The following PEBP4 variants were observed in gnomAD, a reference collection of about 807,000 sequenced individuals.
PEBP4 encodes phosphatidylethanolamine-binding protein 4.
In PEBP4, 22 loss-of-function variants were observed where a neutral mutation model predicts 23.9. The observed-to-expected ratio is 0.92, with a 90% CI of 0.66 to 1.31. The LOEUF (loss-of-function observed/expected upper bound fraction) is 1.31, where lower values mean the gene tolerates loss of function less well. Among genes scored for constraint, PEBP4 ranks in the 40% most tolerant of loss-of-function variants. The probability of loss-of-function intolerance (pLI) is 0.00; values close to 1 mark genes in which losing one functional copy is unlikely to be tolerated. For missense variants in PEBP4, 324 were observed against 281.7 expected (o/e 1.15, Z -1.07); for synonymous variants, 112 against 99.3 (o/e 1.13, Z -0.76).
intron 5 of PEBP4, 121 bp downstream of exon 5, chr8:22,727,054 G>A (rs1585238261): frequency 9.6e-7 from 1 of 1,037,180 alleles, no homozygotes; most frequent in East Asian, 2.5e-5. Context: ...TGAAATCAGG[G>A]CATCCAAGAA....
In PEBP4 at chr8:22,781,213, G is replaced by T. The variant is rs1046335086; in HGVS notation, c.357+36424C>A. ...GTTGGTACCCTGTCCTGCCCACCACGTTTGGATGCCCTTGGCAGTGGAAGC... is the reference window on the plus strand; with the variant it reads ...GTTGGTACCCTGTCCTGCCCACCACTTTTGGATGCCCTTGGCAGTGGAAGC... On this transcript the variant is annotated intron_variant, in intron 4 of 6. Coordinates refer to ENST00000256404, the MANE Select transcript of PEBP4 (RefSeq NM_144962.3). 2.0e-5 allele frequency among the ~76,000 whole-genome samples: 3 copies of T among 152,338 alleles called. No individual in the cohort carries two copies. In the South Asian group the frequency reaches 6.2e-4, roughly 32 times the overall value.
intron 3 of PEBP4, among the ~76,000 whole-genome samples, chr8:22,873,371 A>G (rs1208827536): frequency 6.6e-6 from 1 of 152,170 alleles, no homozygotes; most frequent in Admixed American, 6.5e-5. Flanking sequence ...GCTCATGCCT[A>G]TAACCCCAGC....
chr8:22,898,317 G>C (rs1808630879), intron 3 of PEBP4, among the ~76,000 whole-genome samples: 1 of 139,884 alleles, frequency 7.1e-6, no homozygotes, highest in Non-Finnish European at 1.5e-5. Flanking sequence ...GCTTGGACCT[G>C]GAAGGCAGAG....
intron 3 of PEBP4, among the ~76,000 whole-genome samples, chr8:22,846,705 C>T (rs1807445083): frequency 6.6e-6 from 1 of 152,204 alleles, no homozygotes; most frequent in South Asian, 2.1e-4. Flanking sequence ...CCGGAGTCTC[C>T]AGTTCCCTGC....
intron 6 of PEBP4, among the ~76,000 whole-genome samples, chr8:22,721,292 T>C (rs557806614): frequency 1.3e-5 from 2 of 152,166 alleles, no homozygotes; most frequent in East Asian, 1.9e-4. Context: ...GAGGTCAAAA[T>C]TGAGACCCAG....
chr8:22,733,737 TG>T (rs1456389137), intron 4 of PEBP4, among the ~76,000 whole-genome samples: 1 of 147,280 alleles, frequency 6.8e-6, no homozygotes, highest in African/African-American at 2.5e-5. Flanking sequence ...CCGGTCAGAG[TG>T]GGAAGTTTTG....
At chr8:22,739,588 T>G (rs1246716280) in intron 4 of PEBP4, among the ~76,000 whole-genome samples, 2 of 151,744 alleles carry the variant, frequency 1.3e-5, no homozygotes, top group Non-Finnish European at 2.9e-5. Context: ...GCTTGGGGAG[T>G]GGTGCCCCAG....
chr8:22,924,141 T>C (rs1191243382), intron 2 of PEBP4, among the ~76,000 whole-genome samples: 1 of 152,124 alleles, frequency 6.6e-6, no homozygotes, highest in Non-Finnish European at 1.5e-5. Context: ...GGCAGCAGGA[T>C]TGCTTGAGCC....
intron 3 of PEBP4, among the ~76,000 whole-genome samples, chr8:22,854,512 C>G (rs1403175688): frequency 6.6e-6 from 1 of 152,056 alleles, no homozygotes; most frequent in Non-Finnish European, 1.5e-5. Context: ...TGATAAGAGC[C>G]AGGAATACAA....
intron 4 of PEBP4, among the ~76,000 whole-genome samples, chr8:22,752,145 G>A (rs893265726): frequency 5.9e-5 from 9 of 152,124 alleles, no homozygotes; most frequent in African/African-American, 2.2e-4. Context: ...CTGGCCTCAA[G>A]CAGTCCTCCC....
At chr8:22,837,935 G>T (rs937529130) in intron 3 of PEBP4, among the ~76,000 whole-genome samples, 43 of 93,024 alleles carry the variant, frequency 4.6e-4, no homozygotes, top group African/African-American at 1.8e-3. Flanking sequence ...GTCTTGCTCT[G>T]TTGCCCAAGC....
intron 3 of PEBP4, chr8:22,886,215 C>G (rs987603243): frequency 2.0e-5 from 3 of 152,210 alleles, no homozygotes; most frequent in African/African-American, 7.2e-5. Flanking sequence ...ACAGGCAAGA[C>G]AGAAGTGATC....
chr8:22,737,420 C>A (rs62494978), intron 4 of PEBP4, among the ~76,000 whole-genome samples: 3,165 of 152,288 alleles, frequency 0.021, 38 homozygotes, highest in African/African-American at 0.043. Flanking sequence ...AAGGGGGACC[C>A]ACCTCTTGCG....
intron 4 of PEBP4, among the ~76,000 whole-genome samples, chr8:22,768,642 C>G (rs892844765): frequency 2.7e-5 from 4 of 150,358 alleles, no homozygotes. Flanking sequence ...CCAGTCAATA[C>G]GGAGCCTTTT....
chr8:22,831,687 G>A (rs1807086066), intron 3 of PEBP4, among the ~76,000 whole-genome samples: 4 of 152,138 alleles, frequency 2.6e-5, no homozygotes, highest in Admixed American at 2.0e-4. Flanking sequence ...ACCTAAGGAC[G>A]TGATGGACCC....
At chr8:22,833,383 G>A (rs1382242168) in intron 3 of PEBP4, among the ~76,000 whole-genome samples, 2 of 152,196 alleles carry the variant, frequency 1.3e-5, no homozygotes, top group Non-Finnish European at 2.9e-5. Flanking sequence ...TCAGGCTGGA[G>A]TGCAGTGGCG....
intron 3 of PEBP4, chr8:22,886,568 C>T (rs1808380428): frequency 6.6e-6 from 1 of 152,292 alleles, no homozygotes; most frequent in Non-Finnish European, 1.5e-5. Flanking sequence ...GAGGTGTAAC[C>T]TCTTTCAGTT....
chr8:22,761,429 C>T (rs530380343), intron 4 of PEBP4, among the ~76,000 whole-genome samples: 1 of 152,112 alleles, frequency 6.6e-6, no homozygotes, highest in Non-Finnish European at 1.5e-5. Flanking sequence ...AGCGAGAAGA[C>T]CCCCCTGCAA....
At position 22,713,669 on chromosome 8, in the gene PEBP4, G is replaced by T. The variant is rs548693421; in HGVS notation, c.518-133C>A. ...GATGCGATGGCCATGGGGCGTAGTG[G>T]CTGGGGGAGCTTCCGGCTCCTGTTG... On this transcript the variant is annotated intron_variant, in intron 6 of 6. Transcript: ENST00000256404. The T allele has an allele frequency of 9.2e-5, 116 of 1,254,206 alleles. No individual in the cohort carries two copies. In the African/African-American group the frequency reaches 1.6e-3, roughly 17 times the overall value. 77.7% of individuals were successfully genotyped at this position (1,254,206 alleles called of 1,614,324 possible).
Sources: gnomAD v4.1 joint callset for allele counts (sites outside exome capture counted in the v4.1 genomes callset) on GRCh38, gnomAD v4.1.1 for gene constraint, MANE v1.5 for transcripts, NCBI Gene and HGNC (gene_info 2026-07-23, HGNC 2026-07-21) for gene names.